The following KRT2 variants were observed in gnomAD, a reference collection of about 807,000 sequenced individuals.
The protein encoded by KRT2 is keratin, type II cytoskeletal 2 epidermal.
In KRT2, 37 loss-of-function variants were observed where a neutral mutation model predicts 48.5. The ratio of observed to expected loss-of-function variants is 0.76; its 90% CI spans 0.59 to 1.00. The LOEUF is 1.00. Ranked by LOEUF, KRT2 falls within the 50% of genes least tolerant of loss-of-function variation. KRT2 has a pLI of 0.00. For synonymous variants in KRT2, 324 were observed against 312.2 expected, an observed-to-expected ratio of 1.04 and a Z score of -0.40; for missense variants, 880 against 815.2, an observed-to-expected ratio of 1.08 and a Z score of -0.97.
chr12:52,648,393 G>A, intron 4 of KRT2, 56 bp from the exon 5 acceptor site: 2 of 1,456,424 alleles, frequency 1.4e-6, no homozygotes, highest in Non-Finnish European at 1.9e-6. Flanking sequence ...CAGGCAGACA[G>A]GAGGCCTCTG....
chr12:52,651,945 A>G lies in KRT2; in HGVS notation c.198T>C (p.Leu66=). 3.7e-6 allele frequency: 6 copies of G among 1,613,784 alleles called. No homozygotes were observed. In the African/African-American group the frequency reaches 4.0e-5, roughly 11 times the overall value. ...TAATGGAGATGCTCTTGGTCCCTCCAAGGCCAACAAGACTCCGACTGCCAA... is the reference window on the plus strand; with the variant it reads ...TAATGGAGATGCTCTTGGTCCCTCCGAGGCCAACAAGACTCCGACTGCCAA... ...GGFGSRSLVG[L]GGTKSISISV... Residue 66 remains leucine, a synonymous_variant, in exon 1 of 9, where the codon CTT becomes CTC. Transcript: ENST00000309680.
At position 52,646,944 on chromosome 12, in the gene KRT2, T is replaced by A. The variant is rs776908640; in HGVS notation, c.1265A>T (p.Asp422Val). The change falls in exon 7 of 9, where the codon GAT becomes GTT. Residue 422 changes from aspartate to valine, a missense_variant. Transcript: ENST00000309680. ...ACGCTGCTCGGCATCTGCGATGGCA[T>A]CTTGCACATTCTTACACTATGACAG... ...HVKKQCKNVQ[D>V]AIADAEQRGE... 2.5e-6 allele frequency: 4 copies of A among 1,613,930 alleles called. No individual in the cohort carries two copies. The highest frequency in any genetic ancestry group is 2.2e-5 in the East Asian group (1 of 44,892).
rs58564349 is a variant in KRT2 at position 52,644,831 on chromosome 12, TCTAA to T, written c.*184_*187del. 4,953 of 659,450 alleles carry T rather than the reference TCTAA, an allele frequency of 7.5e-3. 178 individuals are homozygous for T. In the African/African-American group the frequency reaches 0.083, roughly 11 times the overall value. 40.8% of individuals were successfully genotyped at this position (659,450 alleles called of 1,614,324 possible). A position where few individuals can be genotyped will look rare whatever the true frequency, so the allele number is the denominator to read the frequency against. On this transcript the variant is annotated 3_prime_UTR_variant, in exon 9 of 9. Transcript: ENST00000309680. ...CCCAGAACACAGAGGCGTCACTGGC[TCTAA>T]CTAACTGGTTTGGAGAGAAGATCTT...
At position 52,644,967 on chromosome 12, in the gene KRT2, C is replaced by T; in HGVS notation, c.*52G>A. 1 of 1,601,628 alleles carries T rather than the reference C, an allele frequency of 6.2e-7. No individual in the cohort carries two copies. Among genetic ancestry groups the T allele is most frequent in the Non-Finnish European group, 8.6e-7 (1 of 1,168,930 alleles). The stretch of plus-strand genomic sequence containing the variant: ...AGGTACAGAGACAGGCTTCTACATT[C>T]TGGAGTGGGAGAGTCTGGGTTGGGA... On this transcript the variant is annotated 3_prime_UTR_variant, in exon 9 of 9. Coordinates refer to ENST00000309680, the MANE Select transcript of KRT2 (RefSeq NM_000423.3).
Position 52,645,360 on chromosome 12 carries a change from T to G in KRT2, c.1579A>C (p.Ser527Arg), listed in dbSNP as rs749353436. The change falls in exon 9 of 9, where the codon AGT becomes CGT. Residue 527 changes from serine (S) to arginine (R), a missense_variant. By Grantham distance (110) the Ser-to-Arg change is moderately radical (BLOSUM62 -1). Coordinates refer to ENST00000309680, the MANE Select transcript of KRT2 (RefSeq NM_000423.3). ...AFGGSGGRGS[S>R]SGGGYSSGSS... is the part of the protein sequence containing the mutation. ...CCAGAGCTGTATCCTCCTCCGGAAC[T>G]GGACCCTCTACCTCCAGAACCTCCA... The G allele has an allele frequency of 6.2e-7, 1 of 1,614,204 alleles. No homozygotes were observed. The highest frequency in any genetic ancestry group is 8.5e-7 in the Non-Finnish European group (1 of 1,180,028).
rs140260476 is a variant in KRT2, at chr12:52,650,395, T to G, written c.744A>C (p.Thr248=). 13 of 1,614,266 alleles carry G rather than the reference T, an allele frequency of 8.1e-6. No homozygotes were observed. In the African/African-American group the frequency reaches 1.7e-4, roughly 22 times the overall value. The change falls in exon 2 of 9, where the codon ACA becomes ACC. Residue 248 remains threonine, a synonymous_variant. Transcript: ENST00000309680. The part of the protein sequence containing the change: ...RYLDGLTAER[T]SQNSELNNMQ... ...TGTTATTCAGCTCTGAATTCTGTGA[T>G]GTTCTTTCTGCAGTGAGCCCATCCA... is the stretch of plus-strand genomic sequence containing the variant.
At chr12:52,648,862 GC>G (rs761499013) in intron 4 of KRT2, 144 bp downstream of exon 4, 50 of 691,674 alleles carry the variant, frequency 7.2e-5, no homozygotes, top group Non-Finnish European at 1.0e-4. Flanking sequence ...TGCTATGAAA[GC>G]CCCCCCAGTG....
chr12:52,648,977 T>C (rs368391902), intron 4 of KRT2, 30 bp downstream of exon 4: 2 of 1,349,932 alleles, frequency 1.5e-6, no homozygotes, highest in African/African-American at 2.9e-5. Context: ...GGGTGGGAAG[T>C]AAGGGACTGT....
At chr12:52,650,645 A>AG in intron 1 of KRT2, 92 bp from the exon 2 acceptor site, 1 of 994,660 alleles carries the variant, frequency 1.0e-6, no homozygotes, top group South Asian at 1.3e-5. Flanking sequence ...GTGCTGCTTC[A>AG]GGACCTCGAG....
chr12:52,647,124 A>T (rs560393396), intron 6 of KRT2, among the ~76,000 whole-genome samples, 164 bp from the exon 7 acceptor site: 1 of 152,206 alleles, frequency 6.6e-6, no homozygotes, highest in Admixed American at 6.5e-5. Context: ...TCTCTGGCAC[A>T]TCTTCTTCCC....
At chr12:52,648,563 T>G (rs1272067196) in intron 4 of KRT2, among the ~76,000 whole-genome samples, 2 of 152,172 alleles carry the variant, frequency 1.3e-5, no homozygotes, top group African/African-American at 4.8e-5. Flanking sequence ...ATTCAGCACT[T>G]AAGCCAGTTA....
At chr12:52,646,714 C>T (rs1361133391) in intron 7 of KRT2, 26 bp downstream of exon 7, 1 of 1,611,302 alleles carries the variant, frequency 6.2e-7, no homozygotes, top group Admixed American at 1.7e-5. Flanking sequence ...GGCCAGGGTC[C>T]CCTTCTCCCT....
intron 4 of KRT2, 114 bp from the exon 5 acceptor site, chr12:52,648,451 G>T: frequency 1.1e-6 from 1 of 905,522 alleles, no homozygotes; most frequent in Non-Finnish European, 1.9e-6. Flanking sequence ...GCATACACTA[G>T]GTGGGATGAA....
chr12:52,648,543 C>G (rs184986101), intron 4 of KRT2, among the ~76,000 whole-genome samples: 3 of 152,308 alleles, frequency 2.0e-5, no homozygotes. Context: ...TTCTGAGCCT[C>G]CTAGTTAACA....
At position 52,647,806 on chromosome 12, in the gene KRT2, T is replaced by C. The variant is rs1255196149; in HGVS notation, c.1172A>G (p.Glu391Gly). Residue 391 changes from glutamate to glycine, a missense_variant, in exon 6 of 9, where the codon GAG becomes GGG. Glu to Gly is a moderately conservative substitution (Grantham distance 98). Coordinates refer to ENST00000309680, the MANE Select transcript of KRT2 (RefSeq NM_000423.3). ...TVGRHGDSLK[E>G]IKIEISELNR... Reference sequence around the variant, plus strand: ...CAGCTCGCTGATCTCTATCTTGATCTCTTTCAGGCTGTCTCCATGTCTCCC... The same window carrying C: ...CAGCTCGCTGATCTCTATCTTGATCCCTTTCAGGCTGTCTCCATGTCTCCC... 6.2e-7 allele frequency: 1 copy of C among 1,614,138 alleles called. No homozygotes were observed. Among genetic ancestry groups the C allele is most frequent in the Admixed American group, 1.7e-5 (1 of 60,012 alleles).
rs1191402440 is a variant in KRT2, at chr12:52,648,320, A to T, written c.975T>A (p.His325Gln). 6.2e-7 allele frequency: 1 copy of T among 1,614,004 alleles called. No homozygotes were observed. Among genetic ancestry groups the T allele is most frequent in the East Asian group, 2.2e-5 (1 of 44,878 alleles). ...TGACGTTGGTGTCAGTGACACTCTG[A>T]TGTATCTGGGATATCTCCTACAACA... ...VLYDAEISQI[H>Q]QSVTDTNVIL... Residue 325 changes from histidine (H) to glutamine (Q), a missense_variant, in exon 5 of 9, where the codon CAT (histidine) becomes CAA (glutamine). Transcript: ENST00000309680.
chr12:52,646,621 C>G lies in KRT2; in HGVS notation c.1469+119G>C. On this transcript the variant is annotated intron_variant, in intron 7 of 8. Transcript: ENST00000309680. ...TTGGGGAACACAGAGAATGTCAGTT[C>G]TCAGTTGTCAGGAGGGCCTGCCCCA... The G allele has an allele frequency of 3.8e-6, 4 of 1,057,194 alleles. No individual in the cohort carries two copies. The South Asian group carries it at 5.1e-5, about 14-fold the overall frequency. 65.5% of individuals were successfully genotyped at this position (1,057,194 alleles called of 1,614,324 possible).
chr12:52,649,492 AG>A (rs1941217311), intron 3 of KRT2, among the ~76,000 whole-genome samples: 1 of 152,152 alleles, frequency 6.6e-6, no homozygotes, highest in Admixed American at 6.5e-5. Context: ...TATACACCAA[AG>A]GCCCTGCAGG....
chr12:52,645,631 T>G (rs1941153141), intron 7 of KRT2, 62 bp from the exon 8 acceptor site: 1 of 1,550,678 alleles, frequency 6.4e-7, no homozygotes, highest in South Asian at 1.1e-5. Context: ...TGCATGTTGT[T>G]TTACCACTTC....
Sources: allele counts gnomAD v4.1 joint callset (sites outside exome capture counted in the v4.1 genomes callset), GRCh38; gene constraint gnomAD v4.1.1; transcripts MANE v1.5; gene names NCBI Gene and HGNC (gene_info 2026-07-23, HGNC 2026-07-21).